The following GALNT9 variants were observed in gnomAD, a reference collection of about 807,000 sequenced individuals.
GALNT9 encodes the protein GalNAc transferase 9.
Under a neutral mutation model 63.1 loss-of-function variants are expected in GALNT9, and 47 were observed. That is an observed-to-expected ratio of 0.75 (90% CI 0.59 to 0.95). The LOEUF (loss-of-function observed/expected upper bound fraction) is 0.95, where lower values mean the gene tolerates loss of function less well. GALNT9 is among the 40% of genes least tolerant of loss of function. GALNT9 has a pLI of 0.00. For missense variants in GALNT9, 829 were observed against 874.8 expected, an observed-to-expected ratio of 0.95 and a Z score of 0.66; for synonymous variants, 396 against 365.7, an observed-to-expected ratio of 1.08 and a Z score of -0.94.
At position 132,238,693 on chromosome 12, in the gene GALNT9, T is replaced by C. The variant is rs1334892459; in HGVS notation, c.1077+9217A>G. Among the ~76,000 whole-genome samples, 2 of 152,024 alleles carry C rather than the reference T, an allele frequency of 1.3e-5. No individual in the cohort carries two copies. The highest frequency in any genetic ancestry group is 2.9e-5 in the Non-Finnish European group (2 of 67,976). ...CCCTGGGCAGGTCACTCAGCCTCTCTGGGCCTCAGCTCCTCCCCAGGGCTG... is the reference window on the plus strand; with the variant it reads ...CCCTGGGCAGGTCACTCAGCCTCTCCGGGCCTCAGCTCCTCCCCAGGGCTG... On this transcript the variant is annotated intron_variant, in intron 6 of 10. Transcript: ENST00000328957. The surrounding 1 kb of genome is among the most constrained non-coding windows in gnomAD (Gnocchi z 6.5).
In GALNT9 at chr12:132,257,709, G is replaced by A. The variant is rs782159570; in HGVS notation, c.939C>T (p.Gly313=). The A allele has an allele frequency of 7.4e-5, 115 of 1,549,614 alleles. No individual in the cohort carries two copies. Among genetic ancestry groups the A allele is most frequent in the Non-Finnish European group, 9.5e-5 (109 of 1,146,678 alleles). Residue 313 remains glycine (G), a synonymous_variant, in exon 5 of 11, where the codon GGC becomes GGT. Coordinates refer to ENST00000328957, the MANE Select transcript of GALNT9 (RefSeq NM_001122636.2). The part of the protein sequence containing the change: ...IIPPQDWLDR[G]DESAPIRTPA... ...CTCACCTGATGGGTGCTGACTCGTC[G>A]CCGCGGTCCAGCCAGTCCTGCGGGG...
At chr12:132,204,136 A>G (rs1438991037) in intron 6 of GALNT9, among the ~76,000 whole-genome samples, 2 of 143,778 alleles carry the variant, frequency 1.4e-5, no homozygotes, top group East Asian at 4.1e-4. Flanking sequence ...ACGCATCCCC[A>G]GAACACACAC....
At chr12:132,203,726 C>T in intron 6 of GALNT9, 36 bp from the exon 7 acceptor site, 3 of 1,597,976 alleles carry the variant, frequency 1.9e-6, no homozygotes, top group Non-Finnish European at 2.6e-6. Context: ...GGCGTCCTTC[C>T]CAACGGAAGC....
In GALNT9 at chr12:132,247,999, C is replaced by A. The variant is rs782365948; in HGVS notation, c.988G>T (p.Val330Leu). The A allele has an allele frequency of 6.4e-7, 1 of 1,551,350 alleles. No individual in the cohort carries two copies. The highest frequency in any genetic ancestry group is 1.2e-5 in the South Asian group (1 of 84,050). The change falls in exon 6 of 11, where the codon GTA becomes TTA. Residue 330 changes from valine (V) to leucine (L), a missense_variant. Val to Leu is a conservative substitution (Grantham distance 32). Coordinates refer to ENST00000328957, the MANE Select transcript of GALNT9 (RefSeq NM_001122636.2). The stretch of plus-strand genomic sequence containing the variant: ...TCTCCGAAGTACTCGCGGTCCACTA[C>A]GAAGGAGCAGCCGATCATGGCTGGG... ...RTPAMIGCSF[V>L]VDREYFGDIG...
intron 6 of GALNT9, chr12:132,240,765 G>A (rs1264234066): frequency 2.2e-6 from 1 of 454,952 alleles, no homozygotes; most frequent in Admixed American, 2.4e-5. Context: ...CAGCAGAATT[G>A]GAATGTGCAG....
At chr12:132,293,534 G>A (rs1555242966) in intron 1 of GALNT9, among the ~76,000 whole-genome samples, 1 of 152,200 alleles carries the variant, frequency 6.6e-6, no homozygotes, top group African/African-American at 2.4e-5. Context: ...TTGTGCCCTG[G>A]GTACCGACAG....
intron 5 of GALNT9, among the ~76,000 whole-genome samples, chr12:132,249,541 C>T (rs1878831110): frequency 6.6e-6 from 1 of 152,154 alleles, no homozygotes; most frequent in Non-Finnish European, 1.5e-5. Context: ...TTTAATACCC[C>T]CCCTTGATTT....
rs192816199 is a variant in GALNT9, at chr12:132,325,671, C to T, written c.238+3295G>A. ...CCTCTCTGGGCCCCGTGGCCCACCC[C>T]GCTCCAGGCTCTCAGCTTTCCTGCT... On this transcript the variant is annotated intron_variant, in intron 1 of 10. Coordinates refer to ENST00000328957, the MANE Select transcript of GALNT9 (RefSeq NM_001122636.2). Among the ~76,000 whole-genome samples, 306 of 152,364 alleles carry T rather than the reference C, an allele frequency of 2.0e-3. 2 individuals are homozygous for T. Among genetic ancestry groups the T allele is most frequent in the African/African-American group, 7.0e-3 (292 of 41,586 alleles).
intron 8 of GALNT9, among the ~76,000 whole-genome samples, chr12:132,199,541 A>C (rs557283587): frequency 1.3e-5 from 2 of 152,268 alleles, no homozygotes; most frequent in East Asian, 3.9e-4. Flanking sequence ...CGACGGCCCC[A>C]GGCTGTGGAG....
At chr12:132,203,898 C>T (rs1024605772) in intron 6 of GALNT9, among the ~76,000 whole-genome samples, 3 of 152,240 alleles carry the variant, frequency 2.0e-5, no homozygotes, top group East Asian at 1.9e-4. Context: ...GTCTGGGTTG[C>T]GTCCTCTCTG....
Position 132,210,326 on chromosome 12 carries a change from G to A in GALNT9, c.1078-6636C>T, listed in dbSNP as rs553553146. Among the ~76,000 whole-genome samples the A allele has an allele frequency of 5.1e-4, 78 of 152,378 alleles. 3 individuals are homozygous for A. The South Asian group carries it at 0.015, about 30-fold the overall frequency. ...TGGCAAAGGGCCTGCGGGCGAGGCCGTCCCGTGAAGTCGGACCTGTTCTTC... is the reference window on the plus strand; with the variant it reads ...TGGCAAAGGGCCTGCGGGCGAGGCCATCCCGTGAAGTCGGACCTGTTCTTC... On this transcript the variant is annotated intron_variant, in intron 6 of 10. Coordinates refer to ENST00000328957, the MANE Select transcript of GALNT9 (RefSeq NM_001122636.2).
chr12:132,235,474 CAGAAG>C (rs1186931029), intron 6 of GALNT9, among the ~76,000 whole-genome samples: 28 of 152,090 alleles, frequency 1.8e-4, no homozygotes, highest in African/African-American at 6.8e-4. Flanking sequence ...AACTGGAGCT[CAGAAG>C]AGAAGGAAGC....
At chr12:132,224,807 ACACATACACACCCTCC>A (rs1877585116) in intron 6 of GALNT9, among the ~76,000 whole-genome samples, 1 of 140,018 alleles carries the variant, frequency 7.1e-6, no homozygotes, top group Admixed American at 7.0e-5. Context: ...CACACCCCAC[ACACATACACACCCTCC>A]CACATACACA....
rs548603670 is a variant in GALNT9, at chr12:132,329,297, G to C, written c.-94C>G. On this transcript the variant is annotated 5_prime_UTR_variant, in exon 1 of 11. Transcript: ENST00000328957. ...GCTTCGGCTTCGGGGACCATGAGCC[G>C]CCCGGGGCTGCGGGGGCTGCGGGGC... 3 of 1,455,020 alleles carry C rather than the reference G, an allele frequency of 2.1e-6. No individual in the cohort carries two copies. Among genetic ancestry groups the C allele is most frequent in the East Asian group, 5.2e-5 (2 of 38,524 alleles). The allele number at this position is 1,455,020 out of a possible 1,614,324, so 90.1% of individuals were successfully genotyped here. A position where few individuals can be genotyped will look rare whatever the true frequency, so the allele number is the denominator to read the frequency against.
intron 1 of GALNT9, among the ~76,000 whole-genome samples, chr12:132,305,118 C>G (rs556918678): frequency 2.0e-4 from 15 of 73,934 alleles, no homozygotes; most frequent in South Asian, 9.7e-4. Context: ...CCCAGACACG[C>G]CCTCACCCGG....
chr12:132,302,431 C>T (rs553872083), intron 1 of GALNT9, among the ~76,000 whole-genome samples: 22 of 152,340 alleles, frequency 1.4e-4, no homozygotes, highest in Non-Finnish European at 2.4e-4. Context: ...TATTTCCCCA[C>T]GTCACTAAAA....
intron 1 of GALNT9, among the ~76,000 whole-genome samples, chr12:132,291,361 G>T (rs868983715): frequency 1.5e-5 from 1 of 67,468 alleles, no homozygotes; most frequent in Non-Finnish European, 2.8e-5. Flanking sequence ...CACGTCCACA[G>T]CACCCACGTC....
At chr12:132,292,224 G>A in intron 1 of GALNT9, among the ~76,000 whole-genome samples, 1 of 152,184 alleles carries the variant, frequency 6.6e-6, no homozygotes, top group South Asian at 2.1e-4. Context: ...CAACGTGCAA[G>A]AGACAGGACT....
chr12:132,264,577 G>A (rs947051561), intron 2 of GALNT9, among the ~76,000 whole-genome samples: 5 of 152,230 alleles, frequency 3.3e-5, no homozygotes, highest in East Asian at 1.9e-4. Flanking sequence ...CCGCGTGGCC[G>A]GAGGCTGTGT....
Sources: gnomAD v4.1 joint callset for allele counts (sites outside exome capture counted in the v4.1 genomes callset) on GRCh38, gnomAD v4.1.1 for gene constraint, Gnocchi (gnomAD v3.1) non-coding constraint, MANE v1.5 for transcripts, NCBI Gene and HGNC (gene_info 2026-07-23, HGNC 2026-07-21) for gene names.